Variants in KCTD10 observed in about 807,000 individuals in gnomAD.
KCTD10 encodes BTB/POZ domain-containing adapter for CUL3-mediated RhoA degradation protein 3.
Under a neutral mutation model 34.6 loss-of-function variants are expected in KCTD10, and 13 were observed. The ratio of observed to expected loss-of-function variants is 0.38; its 90% CI spans 0.24 to 0.60. The LOEUF (loss-of-function observed/expected upper bound fraction) is 0.60. KCTD10 is among the 20% of genes least tolerant of loss of function. The pLI is 0.66. For synonymous variants in KCTD10, 156 were observed against 168.8 expected (o/e 0.92, Z 0.59); for missense variants, 256 against 420.3 (o/e 0.61, Z 3.42).
chr12:109,456,006 C>T, intron 6 of KCTD10, 112 bp downstream of exon 6: 1 of 1,038,362 alleles, frequency 9.6e-7, no homozygotes, highest in Non-Finnish European at 1.4e-6. Context: ...AATCACAAGG[C>T]AAGCAAAGCA....
Position 109,453,866 on chromosome 12 carries a change from G to A in KCTD10, c.724-2053C>T, listed in dbSNP as rs143778572. 9.2e-5 allele frequency among the ~76,000 whole-genome samples: 14 copies of A among 152,276 alleles called. No individual in the cohort carries two copies. The East Asian group carries it at 1.9e-3, about 21-fold the overall frequency. ...CAAGATCTACCCCTAAACTGCATAC[G>A]CAGACTGAAAGAACTGAATGCTGCA... On this transcript the variant is annotated intron_variant, in intron 6 of 6. Coordinates refer to ENST00000228495, the MANE Select transcript of KCTD10 (RefSeq NM_031954.5).
intron 6 of KCTD10, among the ~76,000 whole-genome samples, chr12:109,453,039 C>A (rs938365561): frequency 2.0e-5 from 3 of 152,038 alleles, no homozygotes; most frequent in African/African-American, 7.2e-5. Flanking sequence ...AGAGCCAGGA[C>A]GGGAGTCCAA....
chr12:109,463,701 C>A (rs982042628), intron 2 of KCTD10, among the ~76,000 whole-genome samples: 2 of 152,196 alleles, frequency 1.3e-5, no homozygotes, highest in African/African-American at 4.8e-5. Flanking sequence ...GTGTTGGAAA[C>A]CCAGCTCTGA....
Position 109,451,687 on chromosome 12 carries a change from G to A in KCTD10, c.850C>T (p.His284Tyr). 3 of 1,613,876 alleles carry A rather than the reference G, an allele frequency of 1.9e-6. No homozygotes were observed. Among genetic ancestry groups the A allele is most frequent in the Non-Finnish European group, 2.5e-6 (3 of 1,179,952 alleles). Residue 284 changes from histidine (H) to tyrosine (Y), a missense_variant, in exon 7 of 7, where the codon CAC (histidine) becomes TAC (tyrosine). His to Tyr is a moderately conservative substitution (Grantham distance 83). Transcript: ENST00000228495. This position sits in a 1 kb window ranked among gnomAD's most constrained non-coding sequence, Gnocchi z 5.0. ...ATGGAAGRSH[H>Y]LDEDEERERI... Reference sequence around the variant, plus strand: ...TCCCGCTCCTCGTCCTCGTCCAGGTGGTGGGAGCGCCCCGCCGCCCCGCCT... The same window carrying A: ...TCCCGCTCCTCGTCCTCGTCCAGGTAGTGGGAGCGCCCCGCCGCCCCGCCT...
At chr12:109,471,742 G>C (rs967997445) in intron 1 of KCTD10, among the ~76,000 whole-genome samples, 1 of 152,184 alleles carries the variant, frequency 6.6e-6, no homozygotes, top group Non-Finnish European at 1.5e-5. Flanking sequence ...ATGGGTGAGG[G>C]TGTGTGTTGA....
In KCTD10 at chr12:109,451,516, G is replaced by T; in HGVS notation, c.*79C>A. 1 of 1,371,706 alleles carries T rather than the reference G, an allele frequency of 7.3e-7. No individual in the cohort carries two copies. Among genetic ancestry groups the T allele is most frequent in the Non-Finnish European group, 9.9e-7 (1 of 1,009,056 alleles). 85.0% of individuals were successfully genotyped at this position (1,371,706 alleles called of 1,614,324 possible). A position where few individuals can be genotyped will look rare whatever the true frequency, so the allele number is the denominator to read the frequency against. On this transcript the variant is annotated 3_prime_UTR_variant, in exon 7 of 7. Coordinates refer to ENST00000228495, the MANE Select transcript of KCTD10 (RefSeq NM_031954.5). The surrounding 1 kb of genome is among the most constrained non-coding windows in gnomAD (Gnocchi z 5.0). ...GCTCCAAGGGAAGCAGAAGGGGCCCGGCAGCCTGCACAGGATCTGGGTGTA... is the reference window on the plus strand; with the variant it reads ...GCTCCAAGGGAAGCAGAAGGGGCCCTGCAGCCTGCACAGGATCTGGGTGTA...
At chr12:109,456,829 A>G (rs1873044562) in intron 5 of KCTD10, 1 of 164,316 alleles carries the variant, frequency 6.1e-6, no homozygotes, top group Non-Finnish European at 1.3e-5. Flanking sequence ...TGGGAATGTA[A>G]AATGGTGCAG....
intron 2 of KCTD10, among the ~76,000 whole-genome samples, chr12:109,461,788 C>T (rs974743054): frequency 2.6e-5 from 4 of 152,182 alleles, no homozygotes; most frequent in Admixed American, 6.5e-5. Flanking sequence ...AGGGTGAAGT[C>T]GAGGCCTTCT....
rs868201129 is a variant in KCTD10 at position 109,474,533 on chromosome 12, G to A, written c.3+2727C>T. ...AATTCTGATGTAATTGGTCCGGGAT[G>A]TGGACTAGGCAACAGAATTTTTAAA... On this transcript the variant is annotated intron_variant, in intron 1 of 6. Transcript: ENST00000228495. Among the ~76,000 whole-genome samples, 35 of 152,230 alleles carry A rather than the reference G, an allele frequency of 2.3e-4. No individual in the cohort carries two copies. The Middle Eastern group carries it at 0.01, about 44-fold the overall frequency.
intron 1 of KCTD10, chr12:109,470,449 C>T: frequency 2.0e-6 from 2 of 985,482 alleles, no homozygotes; most frequent in Non-Finnish European, 2.4e-6. Context: ...CTCTGTACAT[C>T]TCAAAGAAAT....
At chr12:109,466,882 G>C (rs1035535609) in intron 2 of KCTD10, among the ~76,000 whole-genome samples, 13 of 152,272 alleles carry the variant, frequency 8.5e-5, no homozygotes, top group African/African-American at 2.2e-4. Context: ...GGCCAGGGTA[G>C]AGCTGCAGGA....
Position 109,451,310 on chromosome 12 carries a change from T to C in KCTD10, c.*285A>G, listed in dbSNP as rs1872755082. 1 of 438,754 alleles carries C rather than the reference T, an allele frequency of 2.3e-6. No individual in the cohort carries two copies. The highest frequency in any genetic ancestry group is 4.5e-5 in the South Asian group (1 of 22,334). The allele number at this position is 438,754 out of a possible 1,614,324, so 27.2% of individuals were successfully genotyped here. On this transcript the variant is annotated 3_prime_UTR_variant, in exon 7 of 7. Transcript: ENST00000228495. This position sits in a 1 kb window ranked among gnomAD's most constrained non-coding sequence, Gnocchi z 5.0. The stretch of plus-strand genomic sequence containing the variant: ...CTCACATACACTTCACACTCATTCA[T>C]ACTTTTCCTCTGAGAACCGAGAAAG...
chr12:109,472,639 T>C (rs925048103), intron 1 of KCTD10, among the ~76,000 whole-genome samples: 8 of 152,254 alleles, frequency 5.3e-5, no homozygotes, highest in Non-Finnish European at 1.0e-4. Flanking sequence ...TTGTGTGTGC[T>C]AGACTTATAC....
At chr12:109,472,826 C>A (rs532876173) in intron 1 of KCTD10, among the ~76,000 whole-genome samples, 4 of 152,172 alleles carry the variant, frequency 2.6e-5, no homozygotes, top group African/African-American at 9.7e-5. Context: ...TCATTATGTG[C>A]GCATGACTGT....
intron 6 of KCTD10, among the ~76,000 whole-genome samples, chr12:109,452,137 A>G (rs1010346509): frequency 6.6e-6 from 1 of 152,190 alleles, no homozygotes; most frequent in Non-Finnish European, 1.5e-5. Flanking sequence ...CACACTTCAA[A>G]AAACACACAA....
chr12:109,463,138 T>A (rs1194085022), intron 2 of KCTD10, among the ~76,000 whole-genome samples: 1 of 152,058 alleles, frequency 6.6e-6, no homozygotes. Flanking sequence ...ATAAATAGAA[T>A]TCAACTCAGC....
chr12:109,458,102 A>G, intron 3 of KCTD10, 24 bp from the exon 4 acceptor site: 1 of 1,598,546 alleles, frequency 6.3e-7, no homozygotes, highest in African/African-American at 1.3e-5. Context: ...ACATGCTTTC[A>G]GCCTAGGAGG....
chr12:109,470,612 C>G (rs1873838429), intron 1 of KCTD10: 1 of 984,916 alleles, frequency 1.0e-6, no homozygotes, highest in Non-Finnish European at 1.2e-6. Context: ...TGGGGTAGCC[C>G]CCACGGCTGG....
intron 1 of KCTD10, among the ~76,000 whole-genome samples, chr12:109,476,268 C>T (rs1218161320): frequency 6.6e-6 from 1 of 152,202 alleles, no homozygotes; most frequent in African/African-American, 2.4e-5. Context: ...TCCGCTGGTC[C>T]TTATTTTGCA....
Sources: allele counts gnomAD v4.1 joint callset (sites outside exome capture counted in the v4.1 genomes callset), GRCh38; gene constraint gnomAD v4.1.1; non-coding constraint Gnocchi (gnomAD v3.1); transcripts MANE v1.5; gene names NCBI Gene and HGNC (gene_info 2026-07-23, HGNC 2026-07-21).